Variants in C7 observed in about 807,000 individuals in gnomAD.
The protein encoded by C7 is complement component C7.
Under a neutral mutation model 104.8 loss-of-function variants are expected in C7, and 83 were observed. The observed-to-expected ratio is 0.79, with a 90% CI of 0.66 to 0.95. The LOEUF is 0.95. C7 is among the 40% of genes least tolerant of loss of function. The pLI is 0.00. For missense variants in C7, 1,070 were observed against 1,011.2 expected (o/e 1.06, Z -0.79); for synonymous variants, 415 against 360.6 (o/e 1.15, Z -1.71).
In C7 at chr5:40,979,796, A is replaced by T; in HGVS notation, c.2237A>T (p.His746Leu). The change falls in exon 17 of 18, where the codon CAT (histidine) becomes CTT (leucine). Residue 746 changes from histidine (H) to leucine (L), a missense_variant. Transcript: ENST00000313164. Reference protein sequence around the residue: ...RILPLTVCKMHVLHCQGRNYT... With the variant: ...RILPLTVCKMLVLHCQGRNYT... ...CTGCCTCTGACAGTTTGCAAGATGC[A>T]TGTTCTCCACTGTCAGGGTAGAAAT... The T allele has an allele frequency of 6.2e-7, 1 of 1,613,706 alleles. No individual in the cohort carries two copies. Among genetic ancestry groups the T allele is most frequent in the Non-Finnish European group, 8.5e-7 (1 of 1,179,674 alleles).
intron 8 of C7, among the ~76,000 whole-genome samples, chr5:40,948,721 C>CT (rs1214692948): frequency 6.6e-6 from 1 of 151,936 alleles, no homozygotes; most frequent in Non-Finnish European, 1.5e-5. Context: ...CAAGTCAAAC[C>CT]TTTTTTTTCC....
intron 1 of C7, among the ~76,000 whole-genome samples, chr5:40,920,217 T>C (rs772725892): frequency 2.7e-5 from 4 of 150,138 alleles, no homozygotes; most frequent in Non-Finnish European, 5.9e-5. Context: ...TTCATTTAGG[T>C]CCTGTAAAGT....
At chr5:40,913,329 T>C (rs1451928170) in intron 1 of C7, among the ~76,000 whole-genome samples, 1 of 152,168 alleles carries the variant, frequency 6.6e-6, no homozygotes. Context: ...AGTAGTGGGA[T>C]TGATGGATCC....
intron 1 of C7, among the ~76,000 whole-genome samples, chr5:40,920,630 T>A (rs181455236): frequency 2.0e-4 from 30 of 152,054 alleles, no homozygotes; most frequent in East Asian, 1.6e-3. Context: ...TCACCATTTT[T>A]ATTCAATATA....
intron 6 of C7, 68 bp downstream of exon 6, chr5:40,937,758 T>C (rs1270524571): frequency 7.7e-7 from 1 of 1,302,148 alleles, no homozygotes; most frequent in Non-Finnish European, 1.0e-6. Flanking sequence ...ATATTGACTT[T>C]TACGTATTTG....
intron 2 of C7, 21 bp downstream of exon 2, chr5:40,928,656 G>T: frequency 6.8e-7 from 1 of 1,471,582 alleles, no homozygotes; most frequent in Non-Finnish European, 9.2e-7. Context: ...TTTGGGTTGT[G>T]TGTAAAAATC....
At chr5:40,916,785 G>A (rs1171777899) in intron 1 of C7, among the ~76,000 whole-genome samples, 5 of 151,424 alleles carry the variant, frequency 3.3e-5, no homozygotes, top group African/African-American at 7.3e-5. Flanking sequence ...TCTATTTATT[G>A]TGCACAACAT....
Position 40,973,517 on chromosome 5 carries a change from G to T in C7, c.2074+923G>T, listed in dbSNP as rs1707605264. ...CATGCGACAGGGTATGGAGCACTCA[G>T]ATACTGATGGTAGATATGGGCTGTG... On this transcript the variant is annotated intron_variant, in intron 15 of 17. Transcript: ENST00000313164. Among the ~76,000 whole-genome samples the T allele has an allele frequency of 2.0e-5, 3 of 152,224 alleles. No individual in the cohort carries two copies. In the South Asian group the frequency reaches 6.2e-4, roughly 32 times the overall value.
intron 1 of C7, among the ~76,000 whole-genome samples, chr5:40,923,508 G>C (rs913332166): frequency 2.0e-5 from 3 of 152,264 alleles, no homozygotes; most frequent in Admixed American, 6.5e-5. Flanking sequence ...CACTTTGGGA[G>C]GCTGAGGCAG....
chr5:40,947,868 G>C (rs561951103), intron 8 of C7, 23 bp downstream of exon 8: 1 of 1,604,648 alleles, frequency 6.2e-7, no homozygotes, highest in Admixed American at 1.7e-5. Context: ...AAAATTCGTT[G>C]TCTAAAGGCA....
At chr5:40,943,371 G>GACTGATC (rs1460977845) in intron 6 of C7, among the ~76,000 whole-genome samples, 7 of 152,288 alleles carry the variant, frequency 4.6e-5, no homozygotes, top group Admixed American at 2.6e-4. Context: ...CAGTCTTGGA[G>GACTGATC]AATCCAGGAT....
chr5:40,962,020 G>A (rs1379906027), intron 12 of C7, 65 bp from the exon 13 acceptor site: 26 of 791,644 alleles, frequency 3.3e-5, no homozygotes, highest in South Asian at 4.3e-5. Flanking sequence ...GAAATCCAAC[G>A]TAATGCAAAA....
Position 40,983,936 on chromosome 5 carries a change from G to T in C7, c.*2363G>T. Among the ~76,000 whole-genome samples the T allele has an allele frequency of 6.6e-6, 1 of 152,042 alleles. No individual in the cohort carries two copies. Among genetic ancestry groups the T allele is most frequent in the East Asian group, 1.9e-4 (1 of 5,166 alleles). ...GCATTGCTGAGATTAGAGTCATTTG[G>T]CCCTCAGAAGGAACAGACAAAGAGA... On this transcript the variant is annotated 3_prime_UTR_variant, in exon 18 of 18. Transcript: ENST00000313164.
chr5:40,978,885 T>TTTTTTTTTTG, intron 16 of C7, among the ~76,000 whole-genome samples: 1 of 142,380 alleles, frequency 7.0e-6, no homozygotes, highest in East Asian at 2.0e-4. Context: ...TTTTTTTTTT[T>TTTTTTTTTTG]TTTTTTTTTT....
At chr5:40,947,894 T>TG (rs1409497861) in intron 8 of C7, 49 bp downstream of exon 8, 12 of 1,560,814 alleles carry the variant, frequency 7.7e-6, no homozygotes, top group African/African-American at 1.4e-5. Context: ...GGGATTTTAA[T>TG]GGGGAAATAA....
chr5:40,954,368 ATATATAT>A (rs1378309494), intron 9 of C7, among the ~76,000 whole-genome samples: 2 of 152,144 alleles, frequency 1.3e-5, no homozygotes, highest in Non-Finnish European at 1.5e-5. Context: ...ATTCTTTGAA[ATATATAT>A]TATGTATTTA....
intron 14 of C7, among the ~76,000 whole-genome samples, chr5:40,966,104 T>A (rs1183066131): frequency 6.6e-6 from 1 of 152,092 alleles, no homozygotes; most frequent in East Asian, 1.9e-4. Flanking sequence ...AATTTAATTT[T>A]TAATTTTAAT....
rs908381436 is a variant in C7 at position 40,951,924 on chromosome 5, C to T, written c.1093+1910C>T. Among the ~76,000 whole-genome samples the T allele has an allele frequency of 9.2e-5, 14 of 152,130 alleles. 1 individual carries two copies. The highest frequency in any genetic ancestry group is 7.2e-4 in the Admixed American group (11 of 15,260). On this transcript the variant is annotated intron_variant, in intron 9 of 17. Transcript: ENST00000313164. ...GGAGTCTGTGGTATGTGCCAGGAATCGTTTTAGACACTCAAGATATAGCCG... is the reference window on the plus strand; with the variant it reads ...GGAGTCTGTGGTATGTGCCAGGAATTGTTTTAGACACTCAAGATATAGCCG...
At chr5:40,968,180 C>G (rs992381796) in intron 14 of C7, among the ~76,000 whole-genome samples, 7 of 151,626 alleles carry the variant, frequency 4.6e-5, no homozygotes, top group Non-Finnish European at 7.4e-5. Context: ...GGCTGGAGTG[C>G]AGTGGTGCGA....
Sources: allele counts gnomAD v4.1 joint callset (sites outside exome capture counted in the v4.1 genomes callset), GRCh38; gene constraint gnomAD v4.1.1; transcripts MANE v1.5; gene names NCBI Gene and HGNC (gene_info 2026-07-23, HGNC 2026-07-21).